DEPTOR: variants seen among roughly 807,000 people sequenced by gnomAD.
DEPTOR encodes the protein DEP domain-containing mTOR-interacting protein.
A neutral mutation model predicts 41.6 loss-of-function variants in DEPTOR; 41 were observed. The observed-to-expected ratio is 0.98, with a 90% CI of 0.77 to 1.28. The LOEUF is 1.28. Among genes scored for constraint, DEPTOR ranks in the 50% most tolerant of loss-of-function variants. DEPTOR has a pLI of 0.00. For missense variants in DEPTOR, 514 were observed against 527.9 expected, an observed-to-expected ratio of 0.97 and a Z score of 0.26; for synonymous variants, 195 against 192.3, an observed-to-expected ratio of 1.01 and a Z score of -0.12.
chr8:120,006,722 A>C, intron 6 of DEPTOR, 83 bp from the exon 7 acceptor site: 1 of 1,247,412 alleles, frequency 8.0e-7, no homozygotes, highest in Non-Finnish European at 1.2e-6. Context: ...ATGGTCACCT[A>C]CGAGATATCA....
intron 8 of DEPTOR, among the ~76,000 whole-genome samples, chr8:120,025,947 T>C (rs1259056348): frequency 2.0e-5 from 3 of 151,332 alleles, no homozygotes; most frequent in Non-Finnish European, 4.4e-5. Context: ...GCTTTTTAGC[T>C]CCTGAAACCA....
intron 4 of DEPTOR, among the ~76,000 whole-genome samples, chr8:120,000,907 G>A (rs528477216): frequency 1.1e-4 from 17 of 151,624 alleles, no homozygotes; most frequent in South Asian, 6.3e-4. Context: ...GTGCAACCCC[G>A]TCTCTACGAA....
Position 119,929,806 on chromosome 8 carries a change from G to T in DEPTOR, c.302-9G>T. On this transcript the variant is annotated splice_polypyrimidine_tract_variant and intron_variant, in intron 2 of 8. Transcript: ENST00000286234. ...TCTCATTTGCTTCTCTGTGCATATT[G>T]TGTTTCAGTGTGTGATGAGCATAAG... is the stretch of plus-strand genomic sequence containing the variant. The T allele has an allele frequency of 6.2e-7, 1 of 1,601,586 alleles. No homozygotes were observed. Among genetic ancestry groups the T allele is most frequent in the East Asian group, 2.2e-5 (1 of 44,556 alleles).
chr8:120,017,244 G>T (rs1054767031), intron 8 of DEPTOR, among the ~76,000 whole-genome samples: 1 of 152,134 alleles, frequency 6.6e-6, no homozygotes, highest in Non-Finnish European at 1.5e-5. Flanking sequence ...GCTGAAGCTG[G>T]GTGGGTAGTG....
At chr8:119,960,060 T>G (rs1018773834) in intron 3 of DEPTOR, among the ~76,000 whole-genome samples, 2 of 151,906 alleles carry the variant, frequency 1.3e-5, no homozygotes, top group African/African-American at 4.8e-5. Flanking sequence ...AAACCTCATT[T>G]CTACTAAAGA....
chr8:120,030,497 G>GTTTGTTTTTTTTTT (rs1207108457), intron 8 of DEPTOR, among the ~76,000 whole-genome samples: 9 of 46,216 alleles, frequency 1.9e-4, no homozygotes, highest in Admixed American at 1.5e-3. Context: ...AGGTTCATCA[G>GTTTGTTTTTTTTTT]TTTTTTTTTT....
chr8:119,875,988 G>A (rs193217624), intron 1 of DEPTOR, among the ~76,000 whole-genome samples: 149 of 152,272 alleles, frequency 9.8e-4, no homozygotes, highest in African/African-American at 3.1e-3. Context: ...GGGAAAGAAA[G>A]TTTAATTTCT....
chr8:119,972,606 GAGTA>G (rs1828646795), intron 4 of DEPTOR, among the ~76,000 whole-genome samples: 1 of 147,122 alleles, frequency 6.8e-6, no homozygotes, highest in Non-Finnish European at 1.5e-5. Context: ...CTTTGTGACA[GAGTA>G]AGACTCTGTC....
chr8:119,874,266 G>C, intron 1 of DEPTOR: 1 of 400,872 alleles, frequency 2.5e-6, no homozygotes, highest in Non-Finnish European at 4.4e-6. Context: ...CACCCACCGC[G>C]CTGTCCGTCT....
At chr8:119,916,409 C>T (rs78624653) in intron 1 of DEPTOR, among the ~76,000 whole-genome samples, 33,297 of 151,760 alleles carry the variant, frequency 0.22, 4,218 homozygotes, top group African/African-American at 0.34. Context: ...GCACGAGCCA[C>T]GGTGCCCAGC....
chr8:119,919,393 G>A (rs1362286495), intron 1 of DEPTOR, among the ~76,000 whole-genome samples: 1 of 151,798 alleles, frequency 6.6e-6, no homozygotes, highest in Non-Finnish European at 1.5e-5. Context: ...TTTAATAATT[G>A]TCTCTTCATC....
intron 4 of DEPTOR, among the ~76,000 whole-genome samples, chr8:119,988,740 C>T (rs1453997135): frequency 1.3e-5 from 2 of 152,124 alleles, no homozygotes; most frequent in Admixed American, 6.6e-5. Flanking sequence ...GCCTCGGGTC[C>T]CCAAAGTGCT....
intron 1 of DEPTOR, among the ~76,000 whole-genome samples, chr8:119,902,218 A>G (rs1827603844): frequency 6.6e-6 from 1 of 152,238 alleles, no homozygotes; most frequent in Non-Finnish European, 1.5e-5. Flanking sequence ...AAAGATGGGT[A>G]TACAATAGAC....
At chr8:119,983,951 G>A (rs1265096372) in intron 4 of DEPTOR, among the ~76,000 whole-genome samples, 1 of 152,150 alleles carries the variant, frequency 6.6e-6, no homozygotes, top group Non-Finnish European at 1.5e-5. Context: ...TTACTGTGCA[G>A]TAAAGCACCA....
chr8:119,967,081 T>C (rs1245132840), intron 4 of DEPTOR, among the ~76,000 whole-genome samples: 3 of 151,746 alleles, frequency 2.0e-5, no homozygotes, highest in African/African-American at 7.3e-5. Flanking sequence ...TTTGTTTTGT[T>C]TTGTTTTGTT....
intron 8 of DEPTOR, among the ~76,000 whole-genome samples, chr8:120,009,748 A>G (rs150557503): frequency 7.9e-4 from 120 of 152,270 alleles, no homozygotes; most frequent in African/African-American, 2.6e-3. Context: ...CATTTTTGTC[A>G]AATTTCCTTT....
At chr8:119,882,269 T>C (rs374547594) in intron 1 of DEPTOR, among the ~76,000 whole-genome samples, 46 of 152,230 alleles carry the variant, frequency 3.0e-4, no homozygotes, top group East Asian at 2.1e-3. Flanking sequence ...AAACTGAAAA[T>C]AAGTTAAACC....
chr8:119,879,232 T>C (rs1220653114), intron 1 of DEPTOR, among the ~76,000 whole-genome samples: 1 of 152,152 alleles, frequency 6.6e-6, no homozygotes. Flanking sequence ...CCCTACACAC[T>C]ACTTGGTGGG....
intron 1 of DEPTOR, among the ~76,000 whole-genome samples, chr8:119,893,523 A>C (rs191534446): frequency 1.8e-4 from 28 of 152,250 alleles, no homozygotes; most frequent in African/African-American, 6.3e-4. Flanking sequence ...TGGTGGATGA[A>C]TCTCATAAAG....
Sources: allele counts gnomAD v4.1 joint callset (sites outside exome capture counted in the v4.1 genomes callset), GRCh38; gene constraint gnomAD v4.1.1; transcripts MANE v1.5; gene names NCBI Gene and HGNC (gene_info 2026-07-23, HGNC 2026-07-21).